The following SLFN12L variants were observed in gnomAD, a reference collection of about 807,000 sequenced individuals.
SLFN12L encodes the protein schlafen family member 12 like, also known as schlafen family member 12-like.
Under a neutral mutation model 34.8 loss-of-function variants are expected in SLFN12L, and 34 were observed. That is an observed-to-expected ratio of 0.98 (90% CI 0.74 to 1.30). SLFN12L has a LOEUF of 1.30. Among genes scored for constraint, SLFN12L ranks in the 50% most tolerant of loss-of-function variants. The pLI is 0.00. For missense variants in SLFN12L, 703 were observed against 696.2 expected (o/e 1.01, Z -0.11); for synonymous variants, 259 against 247.5 (o/e 1.05, Z -0.44).
chr17:35,497,151 G>A (rs964081263), intron 2 of SLFN12L, among the ~76,000 whole-genome samples: 1 of 152,208 alleles, frequency 6.6e-6, no homozygotes, highest in African/African-American at 2.4e-5. Context: ...AGCACTTTGG[G>A]AGGCCGAAGC....
intron 1 of SLFN12L, among the ~76,000 whole-genome samples, chr17:35,536,536 G>T (rs573735775): frequency 6.6e-6 from 1 of 152,234 alleles, no homozygotes; most frequent in African/African-American, 2.4e-5. Flanking sequence ...ACACAGTTGG[G>T]CTCAGTGGCT....
At chr17:35,514,846 G>T in intron 2 of SLFN12L, 1 of 398,580 alleles carries the variant, frequency 2.5e-6, no homozygotes, top group South Asian at 2.1e-5. Flanking sequence ...GAAGCATCTG[G>T]ATCACTGGTA....
At chr17:35,480,548 G>A (rs1210848656) in intron 2 of SLFN12L, 1 of 186,840 alleles carries the variant, frequency 5.4e-6, no homozygotes, top group African/African-American at 2.3e-5. Flanking sequence ...TTTCTCAGTG[G>A]ACAAGGTTTT....
In SLFN12L at chr17:35,468,848, T is replaced by C. The variant is rs1477855839; in HGVS notation, c.*6075A>G. 6.6e-6 allele frequency among the ~76,000 whole-genome samples: 1 copy of C among 152,022 alleles called. No homozygotes were observed. Among genetic ancestry groups the C allele is most frequent in the East Asian group, 1.9e-4 (1 of 5,176 alleles). ...CTGGGCAACATGGGGAGACCCCATC[T>C]CTACAAAACATATAAAAGTTAGCTG... On this transcript the variant is annotated 3_prime_UTR_variant, in exon 5 of 5. Coordinates refer to ENST00000628453, the MANE Select transcript of SLFN12L (RefSeq NM_001363830.2).
In SLFN12L at chr17:35,467,500, G is replaced by A. The variant is rs955827760; in HGVS notation, c.*7423C>T. 1.3e-5 allele frequency among the ~76,000 whole-genome samples: 2 copies of A among 152,138 alleles called. No homozygotes were observed. Among genetic ancestry groups the A allele is most frequent in the African/African-American group, 2.4e-5 (1 of 41,412 alleles). On this transcript the variant is annotated 3_prime_UTR_variant, in exon 5 of 5. Coordinates refer to ENST00000628453, the MANE Select transcript of SLFN12L (RefSeq NM_001363830.2). ...CAAAATACACACTGAATGGGCTCCCGAAACAAACAGGCATTCAATAAAACT... is the reference window on the plus strand; with the variant it reads ...CAAAATACACACTGAATGGGCTCCCAAAACAAACAGGCATTCAATAAAACT...
At chr17:35,481,768 G>A (rs1395670728) in intron 2 of SLFN12L, among the ~76,000 whole-genome samples, 1 of 152,142 alleles carries the variant, frequency 6.6e-6, no homozygotes, top group Admixed American at 6.5e-5. Context: ...TCTCGTCTCC[G>A]CACACGAGGA....
chr17:35,522,156 C>G, intron 2 of SLFN12L, 123 bp downstream of exon 2: 1 of 1,372,856 alleles, frequency 7.3e-7, no homozygotes, highest in East Asian at 2.5e-5. Context: ...ATTGTGCTCT[C>G]CTAAACACAG....
At chr17:35,502,085 GAGAC>G (rs1375424612) in intron 2 of SLFN12L, among the ~76,000 whole-genome samples, 2 of 151,884 alleles carry the variant, frequency 1.3e-5, no homozygotes, top group Non-Finnish European at 2.9e-5. Context: ...GTCAAAGAGA[GAGAC>G]AGAGAAATAT....
Position 35,537,636 on chromosome 17 carries a change from T to G in SLFN12L, c.-669A>C, listed in dbSNP as rs1037756286. 12 of 152,274 alleles carry G rather than the reference T, an allele frequency of 7.9e-5. No homozygotes were observed. Among genetic ancestry groups the G allele is most frequent in the African/African-American group, 2.9e-4 (12 of 41,454 alleles). The allele number at this position is 152,274 out of a possible 1,614,324, so 9.4% of individuals were successfully genotyped here. ...AAAGATGAGAAAGTTCCAGGAGCTC[T>G]GATCTACTTAGGAGTCCCTGCAGTT... On this transcript the variant is annotated 5_prime_UTR_variant, in exon 1 of 5. Coordinates refer to ENST00000628453, the MANE Select transcript of SLFN12L (RefSeq NM_001363830.2).
intron 2 of SLFN12L, among the ~76,000 whole-genome samples, chr17:35,503,935 C>T (rs892624344): frequency 2.4e-4 from 36 of 152,064 alleles, no homozygotes; most frequent in African/African-American, 8.0e-4. Context: ...AAGCACCACC[C>T]CCTCCAGAGT....
intron 2 of SLFN12L, chr17:35,498,427 A>T (rs1057250298): frequency 1.6e-5 from 21 of 1,300,372 alleles, no homozygotes; most frequent in African/African-American, 2.9e-5. Flanking sequence ...CAGCAATATG[A>T]AGTACAGTTT....
chr17:35,503,752 C>G (rs549378159), intron 2 of SLFN12L, among the ~76,000 whole-genome samples: 2 of 151,932 alleles, frequency 1.3e-5, no homozygotes, highest in African/African-American at 4.8e-5. Context: ...GCACATGTAC[C>G]ACCCCTAGAA....
At chr17:35,501,060 G>A (rs1216817256) in intron 2 of SLFN12L, among the ~76,000 whole-genome samples, 1 of 152,190 alleles carries the variant, frequency 6.6e-6, no homozygotes, top group Non-Finnish European at 1.5e-5. Flanking sequence ...TCTGTGTCTT[G>A]TCCTACTACA....
chr17:35,474,158 A>T lies in SLFN12L; in HGVS notation c.*765T>A, dbSNP rs1567638460. On this transcript the variant is annotated 3_prime_UTR_variant, in exon 5 of 5. Transcript: ENST00000628453. ...GGTCTTCAACTCCTGACCTCAAGTG[A>T]TCCATCCAACTCGGCAAGTTCTCCA... 6.6e-6 allele frequency: 1 copy of T among 152,210 alleles called. No individual in the cohort carries two copies. Among genetic ancestry groups the T allele is most frequent in the Non-Finnish European group, 1.5e-5 (1 of 68,044 alleles). 9.4% of individuals were successfully genotyped at this position (152,210 alleles called of 1,614,324 possible).
At chr17:35,501,095 C>A (rs554477540) in intron 2 of SLFN12L, among the ~76,000 whole-genome samples, 3 of 152,214 alleles carry the variant, frequency 2.0e-5, no homozygotes, top group Non-Finnish European at 4.4e-5. Flanking sequence ...GACCAGAAAG[C>A]GAGGTGATTA....
At chr17:35,502,965 CTG>C (rs1237324630) in intron 2 of SLFN12L, among the ~76,000 whole-genome samples, 1 of 147,990 alleles carries the variant, frequency 6.8e-6, no homozygotes, top group Non-Finnish European at 1.5e-5. Flanking sequence ...GAAGAATTGT[CTG>C]TGAAAGTCGT....
chr17:35,515,143 A>G, intron 2 of SLFN12L: 1 of 627,100 alleles, frequency 1.6e-6, no homozygotes. Flanking sequence ...CCCGATGAAA[A>G]GGGCCCCGAA....
intron 1 of SLFN12L, among the ~76,000 whole-genome samples, 151 bp downstream of exon 1, chr17:35,537,422 A>T (rs75715226): frequency 0.033 from 5,062 of 152,280 alleles, 105 homozygotes; most frequent in South Asian, 0.082. Context: ...TAAAGTGTCT[A>T]CTTCATCCTC....
intron 2 of SLFN12L, among the ~76,000 whole-genome samples, chr17:35,512,802 A>G (rs902656699): frequency 3.3e-5 from 5 of 152,390 alleles, no homozygotes; most frequent in South Asian, 2.1e-4. Context: ...CTTTTCAGGC[A>G]TTAGACCAAA....
Sources: allele counts gnomAD v4.1 joint callset (sites outside exome capture counted in the v4.1 genomes callset), GRCh38; gene constraint gnomAD v4.1.1; transcripts MANE v1.5; gene names NCBI Gene and HGNC (gene_info 2026-07-23, HGNC 2026-07-21).